GRIK1: variants seen among roughly 807,000 people sequenced by gnomAD.
GRIK1 encodes the protein glutamate receptor ionotropic, kainate 1.
In GRIK1, 69 loss-of-function variants were observed where a neutral mutation model predicts 105.7. The observed-to-expected ratio is 0.65, with a 90% CI of 0.54 to 0.80. GRIK1 has a LOEUF of 0.80. GRIK1 is among the 30% of genes least tolerant of loss of function. GRIK1 has a pLI of 0.00. For missense variants in GRIK1, 1,109 were observed against 1,167.3 expected (o/e 0.95, Z 0.73); for synonymous variants, 438 against 431.3 (o/e 1.02, Z -0.19).
At chr21:29,613,007 C>T (rs769171872) in intron 7 of GRIK1, among the ~76,000 whole-genome samples, 1 of 152,212 alleles carries the variant, frequency 6.6e-6, no homozygotes, top group Non-Finnish European at 1.5e-5. Context: ...AATCTTGGCT[C>T]TATCTTTGAG....
intron 1 of GRIK1, among the ~76,000 whole-genome samples, chr21:29,802,205 A>C (rs866276659): frequency 1.6e-4 from 24 of 152,194 alleles, no homozygotes; most frequent in African/African-American, 5.3e-4. Context: ...CAGAGCTCTC[A>C]GTTTTTCTTA....
intron 1 of GRIK1, among the ~76,000 whole-genome samples, chr21:29,936,601 T>G (rs1193238732): frequency 1.3e-5 from 2 of 152,154 alleles, no homozygotes; most frequent in African/African-American, 4.8e-5. Context: ...ACTTCTTGAG[T>G]GCAGTAATAA....
intron 1 of GRIK1, among the ~76,000 whole-genome samples, chr21:29,765,432 C>A (rs894374123): frequency 6.6e-6 from 1 of 152,020 alleles, no homozygotes; most frequent in Non-Finnish European, 1.5e-5. Context: ...CTACCTTATA[C>A]CCTAATGGAT....
intron 9 of GRIK1, 30 bp downstream of exon 9, chr21:29,596,496 G>T: frequency 6.6e-7 from 1 of 1,515,938 alleles, no homozygotes; most frequent in Non-Finnish European, 9.2e-7. Flanking sequence ...CCACCCCCAG[G>T]TTTCCTGCAG....
At chr21:29,930,496 T>C (rs1016772849) in intron 1 of GRIK1, among the ~76,000 whole-genome samples, 2 of 152,218 alleles carry the variant, frequency 1.3e-5, no homozygotes, top group Admixed American at 6.5e-5. Context: ...CTCTGGGAAT[T>C]AAGTATTGAT....
chr21:29,919,502 T>G (rs1349650263), intron 1 of GRIK1, among the ~76,000 whole-genome samples: 1 of 152,150 alleles, frequency 6.6e-6, no homozygotes, highest in Non-Finnish European at 1.5e-5. Context: ...CACACCTACA[T>G]AACTTGTTCA....
At chr21:29,939,340 G>C in intron 1 of GRIK1, 43 bp downstream of exon 1, 2 of 1,184,650 alleles carry the variant, frequency 1.7e-6, no homozygotes, top group Non-Finnish European at 2.5e-6. Flanking sequence ...TTGGTGCGGC[G>C]ACCGACCACG....
At chr21:29,894,491 G>A (rs1455813320) in intron 1 of GRIK1, among the ~76,000 whole-genome samples, 3 of 152,168 alleles carry the variant, frequency 2.0e-5, no homozygotes, top group Admixed American at 2.0e-4. Flanking sequence ...TCTCCTGCCT[G>A]CTTTATTCTA....
chr21:29,863,482 C>T (rs2068710463), intron 1 of GRIK1, among the ~76,000 whole-genome samples: 1 of 152,290 alleles, frequency 6.6e-6, no homozygotes, highest in East Asian at 1.9e-4. Flanking sequence ...AGCTCATCTG[C>T]TTTTAACTCT....
Position 29,546,604 on chromosome 21 carries a change from G to A in GRIK1, c.2607+8448C>T, listed in dbSNP as rs140744899. ...TTCCTCCAATTTTCTCTTTCCTAAT[G>A]GTCAGAATCTGGTCTGGGGTAGGTA... On this transcript the variant is annotated intron_variant, in intron 16 of 17. Coordinates refer to ENST00000327783, the MANE Select transcript of GRIK1 (RefSeq NM_001330994.2). 1.3e-3 allele frequency among the ~76,000 whole-genome samples: 203 copies of A among 152,272 alleles called. 7 individuals carry two copies. In the East Asian group the frequency reaches 0.035, roughly 26 times the overall value.
rs549631450 is a variant in GRIK1, at chr21:29,727,269, T to G, written c.119-33206A>C. On this transcript the variant is annotated intron_variant, in intron 1 of 17. Coordinates refer to ENST00000327783, the MANE Select transcript of GRIK1 (RefSeq NM_001330994.2). Reference sequence around the variant, plus strand: ...AGTGGAGCAAAGGATAGGAACATATTTTTAGGGATTTATATAAACTATTCA... The same window carrying G: ...AGTGGAGCAAAGGATAGGAACATATGTTTAGGGATTTATATAAACTATTCA... Among the ~76,000 whole-genome samples, 8 of 152,246 alleles carry G rather than the reference T, an allele frequency of 5.3e-5. No individual in the cohort carries two copies. In the South Asian group the frequency reaches 1.5e-3, roughly 28 times the overall value.
In GRIK1 at chr21:29,537,813, G is replaced by C. The variant is rs1400028073; in HGVS notation, c.2679C>G (p.Ser893Arg). 2.6e-6 allele frequency: 4 copies of C among 1,514,320 alleles called. No homozygotes were observed. The highest frequency in any genetic ancestry group is 3.7e-6 in the Non-Finnish European group (4 of 1,090,830). The allele number at this position is 1,514,320 out of a possible 1,614,324, so 93.8% of individuals were successfully genotyped here. ...KVRFHGRKKQ[S>R]LGVEKCLSFN... ...ATGAACAAACCTTCTCTACACCAAGGCTTTGTTTTTTTCTCCCATGAAACC... is the reference window on the plus strand; with the variant it reads ...ATGAACAAACCTTCTCTACACCAAGCCTTTGTTTTTTTCTCCCATGAAACC... Residue 893 changes from serine (S) to arginine (R), a missense_variant, in exon 17 of 18, where the codon AGC becomes AGG. By Grantham distance (110) the Ser-to-Arg change is moderately radical. Around this residue, in one of 5 missense-constraint regions of GRIK1, gnomAD observed 161 missense variants for 143.4 expected, o/e 1.12. Transcript: ENST00000327783.
At chr21:29,921,881 C>T (rs1018928078) in intron 1 of GRIK1, among the ~76,000 whole-genome samples, 1 of 152,052 alleles carries the variant, frequency 6.6e-6, no homozygotes, top group Non-Finnish European at 1.5e-5. Context: ...CTTGCATTTC[C>T]TAGGTACTAG....
intron 1 of GRIK1, among the ~76,000 whole-genome samples, chr21:29,783,810 A>G (rs1237387162): frequency 2.0e-5 from 3 of 152,246 alleles, no homozygotes; most frequent in Non-Finnish European, 4.4e-5. Flanking sequence ...GACTTTGAAA[A>G]CATAAAACAA....
chr21:29,597,050 A>G (rs924807693), intron 8 of GRIK1, among the ~76,000 whole-genome samples: 29 of 152,178 alleles, frequency 1.9e-4, no homozygotes, highest in African/African-American at 5.3e-4. Context: ...GTTTCTGGGC[A>G]GTAGAAATTT....
chr21:29,683,111 A>G (rs1181393933), intron 3 of GRIK1, among the ~76,000 whole-genome samples: 2 of 152,212 alleles, frequency 1.3e-5, no homozygotes, highest in Non-Finnish European at 2.9e-5. Flanking sequence ...AATGGCTATT[A>G]TTAAAAAGTC....
At position 29,673,137 on chromosome 21, in the gene GRIK1, T is replaced by A. The variant is rs1276503834; in HGVS notation, c.572A>T (p.Lys191Ile). ...TTTAATATTATATCTGGAGGGAGCT[T>A]TGATGAGCTCTTGTAGACGAATTAG... ...TGLIRLQELI[K>I]APSRYNIKIK... The change falls in exon 4 of 18, where the codon AAA becomes ATA. Residue 191 changes from lysine to isoleucine, a missense_variant. Lys to Ile is a moderately radical substitution (Grantham distance 102). Transcript: ENST00000327783. 6.2e-7 allele frequency: 1 copy of A among 1,611,906 alleles called. No individual in the cohort carries two copies. The highest frequency in any genetic ancestry group is 1.3e-5 in the African/African-American group (1 of 74,870).
chr21:29,767,291 T>C (rs1394864503), intron 1 of GRIK1, among the ~76,000 whole-genome samples: 1 of 152,260 alleles, frequency 6.6e-6, no homozygotes. Flanking sequence ...AGGATGTGTA[T>C]GGATGTCGAT....
chr21:29,829,511 G>A (rs1176264199), intron 1 of GRIK1, among the ~76,000 whole-genome samples: 1 of 152,138 alleles, frequency 6.6e-6, no homozygotes, highest in Non-Finnish European at 1.5e-5. Context: ...ATGAACATTT[G>A]TTGAATTAAT....
Sources: gnomAD v4.1 joint callset for allele counts (sites outside exome capture counted in the v4.1 genomes callset) on GRCh38, gnomAD v4.1.1 for gene constraint, gnomAD v4.1.1 regional missense constraint, MANE v1.5 for transcripts, NCBI Gene and HGNC (gene_info 2026-07-23, HGNC 2026-07-21) for gene names.